DGKK: variants seen among roughly 807,000 people sequenced by gnomAD.
DGKK encodes the protein diacylglycerol kinase kappa.
DGKK carries 35 observed loss-of-function variants against 92.2 expected under a neutral mutation model. That is an observed-to-expected ratio of 0.38 (90% CI 0.29 to 0.50). DGKK has a LOEUF of 0.50. Among genes scored for constraint, DGKK ranks in the 20% least tolerant of loss-of-function variants. DGKK has a pLI of 0.92. For synonymous variants in DGKK, 368 were observed against 360.6 expected, an observed-to-expected ratio of 1.02 and a Z score of -0.23; for missense variants, 910 against 992.2, an observed-to-expected ratio of 0.92 and a Z score of 1.11.
At chrX:50,450,743 A>C (rs1228416354) in intron 1 of DGKK, among the ~76,000 whole-genome samples, 1 of 111,708 alleles carries the variant, frequency 9.0e-6, no homozygotes, top group African/African-American at 3.2e-5. Context: ...ACTTGAGACC[A>C]TGGATTAAAT....
At chrX:50,375,385 CTTG>C (rs1423746683) in intron 24 of DGKK, among the ~76,000 whole-genome samples, 3 of 111,387 alleles carry the variant, frequency 2.7e-5, no homozygotes, top group Non-Finnish European at 5.7e-5. Flanking sequence ...TTTAAGGCTA[CTTG>C]TTGTCCTAGG....
chrX:50,393,279 A>G lies in DGKK; in HGVS notation c.1468T>C (p.Cys490Arg). Reference protein sequence around the residue: ...WNLDWSSACSCPLLIFINSKS... With the variant: ...WNLDWSSACSRPLLIFINSKS... Reference sequence around the variant, plus strand: ...GAGTTGATGAAGATGAGCAAGGGACATGAACAGGCTGATGACCAATCAAGA... The same window carrying G: ...GAGTTGATGAAGATGAGCAAGGGACGTGAACAGGCTGATGACCAATCAAGA... The change falls in exon 9 of 28, where the codon TGT becomes CGT. Residue 490 changes from cysteine to arginine, a missense_variant. Cys to Arg is a radical substitution (Grantham distance 180, BLOSUM62 -3). Coordinates refer to ENST00000611977, the MANE Select transcript of DGKK (RefSeq NM_001013742.4). 3.3e-6 allele frequency: 4 copies of G among 1,211,048 alleles called. No homozygotes were observed. Among genetic ancestry groups the G allele is most frequent in the Non-Finnish European group, 4.5e-6 (4 of 894,937 alleles).
chrX:50,431,401 G>A (rs781796114), intron 1 of DGKK, among the ~76,000 whole-genome samples: 3 of 111,217 alleles, frequency 2.7e-5, no homozygotes, highest in African/African-American at 9.8e-5. Context: ...TATAAGCCAA[G>A]TTGAATTCCA....
chrX:50,374,886 C>T, intron 25 of DGKK, 85 bp downstream of exon 25: 2 of 856,507 alleles, frequency 2.3e-6, no homozygotes, highest in Non-Finnish European at 3.4e-6. Flanking sequence ...CCACGGGTCT[C>T]CAGTGCCCTT....
chrX:50,435,415 T>C (rs960931901), intron 1 of DGKK, among the ~76,000 whole-genome samples: 5 of 112,358 alleles, frequency 4.5e-5, no homozygotes, highest in Non-Finnish European at 9.4e-5. Flanking sequence ...AATTGTTTTA[T>C]TGCCAAACTG....
intron 14 of DGKK, 47 bp from the exon 15 acceptor site, chrX:50,386,633 C>G (rs1924550253): frequency 1.9e-6 from 2 of 1,062,614 alleles, no homozygotes; most frequent in East Asian, 6.2e-5. Flanking sequence ...GGGACCCATG[C>G]TTGAGAGGAC....
chrX:50,372,762 G>C (rs1557223386), intron 25 of DGKK, among the ~76,000 whole-genome samples: 3 of 112,522 alleles, frequency 2.7e-5, no homozygotes, highest in Non-Finnish European at 5.6e-5. Flanking sequence ...ACACAGGTGA[G>C]ATGGTTCACA....
At position 50,368,237 on chromosome X, in the gene DGKK, G is replaced by T. The variant is rs1924020865; in HGVS notation, c.*703C>A. 1 of 110,643 alleles carries T rather than the reference G, an allele frequency of 9.0e-6. No homozygotes were observed. Among genetic ancestry groups the T allele is most frequent in the Non-Finnish European group, 1.9e-5 (1 of 52,934 alleles). 9.1% of individuals were successfully genotyped at this position (110,643 alleles called of 1,213,427 possible). ...GGAGCCTGTATGGTTGCCATGAGGG[G>T]TGAGTTCCAACCAATGAGCCCACCA... On this transcript the variant is annotated 3_prime_UTR_variant, in exon 28 of 28. Transcript: ENST00000611977.
At chrX:50,380,166 C>G in intron 18 of DGKK, 89 bp from the exon 19 acceptor site, 2 of 754,972 alleles carry the variant, frequency 2.6e-6, no homozygotes, top group South Asian at 4.8e-5. Context: ...CATCTTACTT[C>G]TCAAATGCCT....
intron 1 of DGKK, among the ~76,000 whole-genome samples, chrX:50,448,739 A>G (rs2147147512): frequency 9.0e-6 from 1 of 111,276 alleles, no homozygotes; most frequent in South Asian, 3.9e-4. Flanking sequence ...GATGCCTACT[A>G]TGAGTCACAG....
intron 18 of DGKK, 143 bp downstream of exon 18, chrX:50,382,353 A>C: frequency 1.0e-3 from 378 of 362,393 alleles, no homozygotes; most frequent in Middle Eastern, 1.5e-3. Context: ...CTGTCCCGCT[A>C]GACTAGTCTT....
chrX:50,383,954 A>G (rs1473345159), intron 17 of DGKK, among the ~76,000 whole-genome samples: 2 of 112,440 alleles, frequency 1.8e-5, no homozygotes, highest in African/African-American at 3.2e-5. Context: ...CTTTTCATAT[A>G]TAAATGTAAT....
chrX:50,380,166 C>A, intron 18 of DGKK, 89 bp from the exon 19 acceptor site: 1 of 754,972 alleles, frequency 1.3e-6, no homozygotes, highest in Non-Finnish European at 2.0e-6. Flanking sequence ...CATCTTACTT[C>A]TCAAATGCCT....
At position 50,382,912 on chromosome X, in the gene DGKK, C is replaced by G. The variant is rs180713362; in HGVS notation, c.2550-309G>C. Among the ~76,000 whole-genome samples, 1,005 of 111,559 alleles carry G rather than the reference C, an allele frequency of 9.0e-3. 3 individuals carry two copies. Among genetic ancestry groups the G allele is most frequent in the Non-Finnish European group, 0.014 (723 of 53,101 alleles). On this transcript the variant is annotated intron_variant, in intron 17 of 27. Transcript: ENST00000611977. ...CTTATGTATGAGTGGCCCATATTTT[C>G]TTCATATGTAGTATTAAGGGAAATA...
chrX:50,450,904 A>T (rs1926479238), intron 1 of DGKK, among the ~76,000 whole-genome samples: 1 of 111,474 alleles, frequency 9.0e-6, no homozygotes, highest in Non-Finnish European at 1.9e-5. Flanking sequence ...AGATGTTGCA[A>T]TGTCAATGCA....
intron 1 of DGKK, among the ~76,000 whole-genome samples, chrX:50,444,189 G>A (rs1180786844): frequency 1.8e-5 from 2 of 111,592 alleles, no homozygotes; most frequent in Non-Finnish European, 3.8e-5. Context: ...GAGTGTAATT[G>A]CTGGGTCATA....
chrX:50,460,844 C>A (rs782514206), intron 1 of DGKK, among the ~76,000 whole-genome samples: 50 of 110,572 alleles, frequency 4.5e-4, no homozygotes, highest in African/African-American at 1.6e-3. Context: ...TATGGCATAC[C>A]CAGTTTAGCA....
intron 8 of DGKK, 129 bp downstream of exon 8, chrX:50,400,908 T>C (rs1924984574): frequency 1.7e-6 from 1 of 572,888 alleles, no homozygotes; most frequent in Admixed American, 2.8e-5. Context: ...TATATACACA[T>C]GCACAGTCCT....
At chrX:50,419,795 G>A (rs1925526700) in intron 4 of DGKK, among the ~76,000 whole-genome samples, 2 of 111,864 alleles carry the variant, frequency 1.8e-5, no homozygotes, top group Non-Finnish European at 3.8e-5. Flanking sequence ...TTACTGCAGG[G>A]AGCAGTGGCC....
Sources: gnomAD v4.1 joint callset for allele counts (sites outside exome capture counted in the v4.1 genomes callset) on GRCh38, gnomAD v4.1.1 for gene constraint, MANE v1.5 for transcripts, NCBI Gene and HGNC (gene_info 2026-07-23, HGNC 2026-07-21) for gene names.